KAT14: variants seen among roughly 807,000 people sequenced by gnomAD.
KAT14 encodes the protein cysteine-rich protein 2-binding protein.
KAT14 carries 66 observed loss-of-function variants against 78.4 expected under a neutral mutation model. That is an observed-to-expected ratio of 0.84 (90% CI 0.69 to 1.03). The LOEUF is 1.03. Ranked by LOEUF, KAT14 falls within the 50% of genes least tolerant of loss-of-function variation. KAT14 has a pLI of 0.00. For synonymous variants in KAT14, 344 were observed against 359.4 expected (o/e 0.96, Z 0.48); for missense variants, 870 against 972.5 (o/e 0.89, Z 1.40).
chr20:18,164,286 A>C (rs1006583971), intron 7 of KAT14, among the ~76,000 whole-genome samples: 1 of 151,810 alleles, frequency 6.6e-6, no homozygotes, highest in Non-Finnish European at 1.5e-5. Context: ...CAGTACTCCC[A>C]CCCTTGGCTT....
intron 7 of KAT14, among the ~76,000 whole-genome samples, chr20:18,164,148 C>CT (rs1315092261): frequency 6.6e-6 from 1 of 152,048 alleles, no homozygotes; most frequent in African/African-American, 2.4e-5. Flanking sequence ...ATCCTCTTTT[C>CT]TTTTTTTTCC....
chr20:18,167,533 C>T (rs182101516), intron 7 of KAT14, among the ~76,000 whole-genome samples: 485 of 152,244 alleles, frequency 3.2e-3, no homozygotes, highest in Non-Finnish European at 5.5e-3. Context: ...TGAATGTATT[C>T]GTAGCTATAA....
chr20:18,177,789 A>G lies in KAT14; in HGVS notation c.1669-3921A>G, dbSNP rs751697822. ...TAATCTTCCATCTGATTTCTTTGCTATAAAGCCCTAATTGTACATGTTCTG... is the reference window on the plus strand; with the variant it reads ...TAATCTTCCATCTGATTTCTTTGCTGTAAAGCCCTAATTGTACATGTTCTG... On this transcript the variant is annotated intron_variant, in intron 7 of 10. Coordinates refer to ENST00000688188, the MANE Select transcript of KAT14 (RefSeq NM_001392073.1). Among the ~76,000 whole-genome samples, 5 of 152,196 alleles carry G rather than the reference A, an allele frequency of 3.3e-5. No individual in the cohort carries two copies. The South Asian group carries it at 8.3e-4, about 25-fold the overall frequency.
At chr20:18,185,156 A>G (rs2039413120) in intron 10 of KAT14, among the ~76,000 whole-genome samples, 1 of 152,182 alleles carries the variant, frequency 6.6e-6, no homozygotes, top group African/African-American at 2.4e-5. Flanking sequence ...TGAGGGTAGG[A>G]CTATTATTTT....
At chr20:18,162,288 A>G (rs780560815) in intron 6 of KAT14, 49 bp downstream of exon 6, 1 of 1,610,218 alleles carries the variant, frequency 6.2e-7, no homozygotes, top group East Asian at 2.2e-5. Flanking sequence ...GGGCCATGGT[A>G]TAAATGTACA....
chr20:18,175,495 C>T (rs1481195491), intron 7 of KAT14, among the ~76,000 whole-genome samples: 1 of 152,132 alleles, frequency 6.6e-6, no homozygotes, highest in Non-Finnish European at 1.5e-5. Context: ...CGTACCCAGC[C>T]ACCTGTCGCC....
chr20:18,167,802 C>A (rs6081015), intron 7 of KAT14, among the ~76,000 whole-genome samples: 42,977 of 151,924 alleles, frequency 0.28, 7,599 homozygotes, highest in Non-Finnish European at 0.4. Flanking sequence ...GAAAGTTATA[C>A]ATTCTATTTT....
At position 18,142,153 on chromosome 20, in the gene KAT14, A is replaced by G; in HGVS notation, c.-453-55A>G. 4.7e-6 allele frequency: 7 copies of G among 1,498,758 alleles called. No individual in the cohort carries two copies. In the South Asian group the frequency reaches 7.6e-5, roughly 16 times the overall value. The allele number at this position is 1,498,758 out of a possible 1,614,324, so 92.8% of individuals were successfully genotyped here. A position where few individuals can be genotyped will look rare whatever the true frequency, so the allele number is the denominator to read the frequency against. ...CTGTTATTTGGATTTGAATGGCACA[A>G]GGATGGGGACCACCTGTTCGGGATG... On this transcript the variant is annotated intron_variant, in intron 1 of 10. Transcript: ENST00000688188.
At position 18,142,927 on chromosome 20, in the gene KAT14, G is replaced by A; in HGVS notation, c.259+8G>A. ...AAAAATGGATACCAGCCAGTAAGGA[G>A]CTTCTCAATTCCTTTGATTTGTCAA... On this transcript the variant is annotated splice_region_variant and intron_variant, in intron 2 of 10. Coordinates refer to ENST00000688188, the MANE Select transcript of KAT14 (RefSeq NM_001392073.1). 3 of 1,612,002 alleles carry A rather than the reference G, an allele frequency of 1.9e-6. No homozygotes were observed. Among genetic ancestry groups the A allele is most frequent in the African/African-American group, 2.7e-5 (2 of 75,026 alleles).
At chr20:18,172,034 A>C (rs1264623081) in intron 7 of KAT14, among the ~76,000 whole-genome samples, 4 of 152,202 alleles carry the variant, frequency 2.6e-5, no homozygotes, top group African/African-American at 9.7e-5. Flanking sequence ...TAAAGTGTTT[A>C]AAATTAAGTC....
At chr20:18,174,996 AT>A (rs1010264837) in intron 7 of KAT14, among the ~76,000 whole-genome samples, 1 of 148,114 alleles carries the variant, frequency 6.8e-6, no homozygotes, top group Non-Finnish European at 1.5e-5. Context: ...ATGGGTCTTG[AT>A]TTTTTTTTTC....
rs187691939 is a variant in KAT14, at chr20:18,181,854, G to C, written c.1805+8G>C. ...CTTGAAACCTTATATCAGGTATATG[G>C]AGAACTAGAGGTGTGATGTCAGGTG... On this transcript the variant is annotated splice_region_variant and intron_variant, in intron 8 of 10. Coordinates refer to ENST00000688188, the MANE Select transcript of KAT14 (RefSeq NM_001392073.1). 5.0e-5 allele frequency: 80 copies of C among 1,613,800 alleles called. No individual in the cohort carries two copies. In the East Asian group the frequency reaches 1.7e-3, roughly 35 times the overall value.
intron 4 of KAT14, among the ~76,000 whole-genome samples, chr20:18,158,544 T>C (rs1048916700): frequency 6.6e-6 from 1 of 152,224 alleles, no homozygotes; most frequent in Admixed American, 6.5e-5. Flanking sequence ...TTGTGGAGTA[T>C]ACCACATAGT....
chr20:18,171,559 C>T (rs2038844483), intron 7 of KAT14, among the ~76,000 whole-genome samples: 1 of 152,230 alleles, frequency 6.6e-6, no homozygotes, highest in African/African-American at 2.4e-5. Context: ...CGCCTGTAAT[C>T]CCAGCACTTT....
At chr20:18,150,609 G>A (rs1215202577) in intron 3 of KAT14, among the ~76,000 whole-genome samples, 1 of 152,124 alleles carries the variant, frequency 6.6e-6, no homozygotes, top group East Asian at 1.9e-4. Context: ...GCTTAGTTCT[G>A]CACATAATTA....
At chr20:18,176,084 A>G (rs542172264) in intron 7 of KAT14, among the ~76,000 whole-genome samples, 3 of 151,608 alleles carry the variant, frequency 2.0e-5, no homozygotes, top group East Asian at 3.9e-4. Context: ...TGGGCAGATC[A>G]TGATGTCAGG....
At chr20:18,170,827 G>A (rs1035195049) in intron 7 of KAT14, among the ~76,000 whole-genome samples, 3 of 152,148 alleles carry the variant, frequency 2.0e-5, no homozygotes, top group Non-Finnish European at 4.4e-5. Flanking sequence ...ATGAGCCACC[G>A]TGCCCGGCCT....
chr20:18,171,346 G>A (rs1472402569), intron 7 of KAT14, among the ~76,000 whole-genome samples: 1 of 152,212 alleles, frequency 6.6e-6, no homozygotes, highest in Non-Finnish European at 1.5e-5. Flanking sequence ...TTATGGATGA[G>A]CAAAGAAAGT....
chr20:18,162,928 A>G lies in KAT14; in HGVS notation c.1651A>G (p.Ile551Val), dbSNP rs774959322. 2.7e-5 allele frequency: 44 copies of G among 1,613,918 alleles called. No homozygotes were observed. Among genetic ancestry groups the G allele is most frequent in the Non-Finnish European group, 3.7e-5 (44 of 1,179,964 alleles). Residue 551 changes from isoleucine to valine, a missense_variant, in exon 7 of 11, where the codon ATC (isoleucine) becomes GTC (valine). Ile to Val is a conservative substitution (Grantham distance 29). Coordinates refer to ENST00000688188, the MANE Select transcript of KAT14 (RefSeq NM_001392073.1). ...TYRTTCQDFR[I>V]LDRYQTSLPS... Reference sequence around the variant, plus strand: ...CAGAACCACCTGTCAGGACTTCAGAATCCTTGACCGATACCAGGTGAATGC... The same window carrying G: ...CAGAACCACCTGTCAGGACTTCAGAGTCCTTGACCGATACCAGGTGAATGC...
Sources: allele counts gnomAD v4.1 joint callset (sites outside exome capture counted in the v4.1 genomes callset), GRCh38; gene constraint gnomAD v4.1.1; transcripts MANE v1.5; gene names NCBI Gene and HGNC (gene_info 2026-07-23, HGNC 2026-07-21).